Variants in MTMR7 observed in about 807,000 individuals in gnomAD.
MTMR7 encodes the protein myotubularin related protein 7, also known as phosphatidylinositol-3-phosphate phosphatase MTMR7.
MTMR7 carries 76 observed loss-of-function variants against 81.2 expected under a neutral mutation model. The ratio of observed to expected loss-of-function variants is 0.94; its 90% confidence interval spans 0.78 to 1.13. MTMR7 has a LOEUF of 1.13. Among genes scored for constraint, MTMR7 ranks in the 50% most tolerant of loss-of-function variants. The probability of loss-of-function intolerance (pLI) is 0.00; values close to 1 mark genes in which losing one functional copy is unlikely to be tolerated. For missense variants in MTMR7, 1,044 were observed against 820.0 expected (o/e 1.27, Z -3.34); for synonymous variants, 372 against 289.8 (o/e 1.28, Z -2.88).
intron 4 of MTMR7, among the ~76,000 whole-genome samples, chr8:17,354,565 T>C (rs1214196714): frequency 2.0e-5 from 3 of 152,114 alleles, no homozygotes; most frequent in Non-Finnish European, 2.9e-5. Context: ...CCAAAGAAAA[T>C]AGCAGAATTG....
In MTMR7 at chr8:17,305,857, C is replaced by G; in HGVS notation, c.1252G>C (p.Glu418Gln). The G allele has an allele frequency of 6.2e-7, 1 of 1,613,634 alleles. No individual in the cohort carries two copies. Among genetic ancestry groups the G allele is most frequent in the Non-Finnish European group, 8.5e-7 (1 of 1,179,664 alleles). Residue 418 changes from glutamate (E) to glutamine (Q), a missense_variant, in exon 11 of 14, where the codon GAG becomes CAG. Coordinates refer to ENST00000180173, the MANE Select transcript of MTMR7 (RefSeq NM_004686.5). ...TGAATCAAAAACCTCTCATTGAACT[C>G]AAAGGCACAGGGAAATTGTTCCATT... ...QLMEQFPCAF[E>Q]FNERFLIHIQ...
chr8:17,339,327 G>A (rs999186064), intron 6 of MTMR7, among the ~76,000 whole-genome samples: 2 of 152,002 alleles, frequency 1.3e-5, no homozygotes, highest in South Asian at 4.2e-4. Context: ...AATGGTGTTT[G>A]GTATACCCAC....
At chr8:17,374,910 G>A (rs1820529285) in intron 1 of MTMR7, among the ~76,000 whole-genome samples, 2 of 152,032 alleles carry the variant, frequency 1.3e-5, no homozygotes, top group African/African-American at 4.8e-5. Context: ...CCAACATGGT[G>A]AAACCCCGTC....
chr8:17,304,616 C>G (rs942510419), intron 11 of MTMR7, 97 bp from the exon 12 acceptor site: 118 of 1,324,866 alleles, frequency 8.9e-5, no homozygotes, highest in Non-Finnish European at 1.2e-4. Context: ...ATAATTGTTA[C>G]CTGAAAACCA....
chr8:17,379,225 G>A (rs1180106569), intron 1 of MTMR7, among the ~76,000 whole-genome samples: 1 of 152,188 alleles, frequency 6.6e-6, no homozygotes, highest in Admixed American at 6.5e-5. Context: ...CTGGAAGCAT[G>A]AGGATCATAA....
chr8:17,317,087 T>C (rs958739333), intron 7 of MTMR7, among the ~76,000 whole-genome samples: 1 of 152,242 alleles, frequency 6.6e-6, no homozygotes, highest in Non-Finnish European at 1.5e-5. Context: ...TTTTCTTCTC[T>C]GAATGTTGTT....
chr8:17,343,359 G>T (rs990282330), intron 5 of MTMR7, among the ~76,000 whole-genome samples: 2 of 152,134 alleles, frequency 1.3e-5, no homozygotes, highest in Non-Finnish European at 2.9e-5. Flanking sequence ...GAACCCGACA[G>T]GCAGAGTTTG....
At chr8:17,308,337 G>A (rs1187965112) in intron 10 of MTMR7, among the ~76,000 whole-genome samples, 1 of 152,048 alleles carries the variant, frequency 6.6e-6, no homozygotes, top group East Asian at 1.9e-4. Flanking sequence ...TGAAAATAAT[G>A]CCATGTTAAG....
rs1585129557 is a variant in MTMR7, at chr8:17,408,106, A to ATTCACC, written c.24+5162_24+5163insGGTGAA. Among the ~76,000 whole-genome samples the ATTCACC allele has an allele frequency of 1.6e-3, 205 of 131,472 alleles. 29 individuals carry two copies. Among genetic ancestry groups the ATTCACC allele is most frequent in the Admixed American group, 2.3e-3 (27 of 11,530 alleles). The allele number at this position is 131,472 out of a possible 152,430, so 86.3% of individuals were successfully genotyped here. ...CCATCAATCAGCAAGAACATCATGG[A>ATTCACC]GAGGCCGGGCGCGGTGGCTCACGCC... On this transcript the variant is annotated intron_variant, in intron 1 of 13. Transcript: ENST00000180173.
intron 3 of MTMR7, among the ~76,000 whole-genome samples, chr8:17,364,780 T>A (rs1271549510): frequency 6.6e-6 from 1 of 152,276 alleles, no homozygotes; most frequent in Non-Finnish European, 1.5e-5. Context: ...CATTCCATTA[T>A]TTGTATATAC....
At position 17,396,522 on chromosome 8, in the gene MTMR7, G is replaced by C. The variant is rs367801685; in HGVS notation, c.24+16747C>G. ...AAAGCAAAGATGTGTTGGGCTCAGG[G>C]AGTATGTGGACCAGCCTTAGCTAGA... On this transcript the variant is annotated intron_variant, in intron 1 of 13. Coordinates refer to ENST00000180173, the MANE Select transcript of MTMR7 (RefSeq NM_004686.5). Among the ~76,000 whole-genome samples the C allele has an allele frequency of 2.2e-4, 34 of 152,286 alleles. 1 individual carries two copies. The highest frequency in any genetic ancestry group is 7.7e-4 in the African/African-American group (32 of 41,574).
Position 17,300,059 on chromosome 8 carries a change from G to T in MTMR7, c.1786C>A (p.Gln596Lys), listed in dbSNP as rs747210051. ...MKSFPSRSPS[Q>K]GDEDSALILT... ...ATCAGAGCAGAATCTTCATCGCCTTGTGAAGGGCTCCGGGATGGAAATGAT... is the reference window on the plus strand; with the variant it reads ...ATCAGAGCAGAATCTTCATCGCCTTTTGAAGGGCTCCGGGATGGAAATGAT... The change falls in exon 14 of 14, where the codon CAA (glutamine) becomes AAA (lysine). Residue 596 changes from glutamine to lysine, a missense_variant. Gln to Lys is a moderately conservative substitution (Grantham distance 53, BLOSUM62 1). Transcript: ENST00000180173. The T allele has an allele frequency of 1.9e-6, 3 of 1,614,134 alleles. No individual in the cohort carries two copies. The highest frequency in any genetic ancestry group is 1.3e-5 in the African/African-American group (1 of 75,042).
At chr8:17,351,594 C>G (rs1819729900) in intron 4 of MTMR7, among the ~76,000 whole-genome samples, 1 of 152,220 alleles carries the variant, frequency 6.6e-6, no homozygotes, top group South Asian at 2.1e-4. Context: ...CAACCTGCGC[C>G]CAGTCACCAA....
intron 6 of MTMR7, among the ~76,000 whole-genome samples, chr8:17,331,677 A>G (rs1409599046): frequency 2.0e-5 from 3 of 152,242 alleles, no homozygotes; most frequent in Non-Finnish European, 4.4e-5. Context: ...AGCTGTCAAA[A>G]TAAGGCTCTA....
In MTMR7 at chr8:17,298,815, A is replaced by AAAAC. The variant is rs1816909762; in HGVS notation, c.*1043_*1046dup. 6.6e-6 allele frequency: 1 copy of AAAAC among 152,540 alleles called. No individual in the cohort carries two copies. Among genetic ancestry groups the AAAAC allele is most frequent in the African/African-American group, 2.4e-5 (1 of 41,468 alleles). 9.4% of individuals were successfully genotyped at this position (152,540 alleles called of 1,614,324 possible). A position where few individuals can be genotyped will look rare whatever the true frequency, so the allele number is the denominator to read the frequency against. On this transcript the variant is annotated 3_prime_UTR_variant, in exon 14 of 14. Coordinates refer to ENST00000180173, the MANE Select transcript of MTMR7 (RefSeq NM_004686.5). ...CTCTCCCTTAAATGTGCAGTGTAACAAAACAAAAATTCTTTTCAGAACTTT... is the reference window on the plus strand; with the variant it reads ...CTCTCCCTTAAATGTGCAGTGTAACAAAACAAACAAAAATTCTTTTCAGAACTTT...
chr8:17,346,755 C>G (rs955763317), intron 5 of MTMR7, among the ~76,000 whole-genome samples: 3 of 151,452 alleles, frequency 2.0e-5, no homozygotes, highest in Admixed American at 1.3e-4. Flanking sequence ...TCGTTTCTCC[C>G]TCTCCTGGAT....
chr8:17,373,880 A>T (rs1250232441), intron 1 of MTMR7, among the ~76,000 whole-genome samples: 2 of 152,246 alleles, frequency 1.3e-5, no homozygotes, highest in African/African-American at 4.8e-5. Flanking sequence ...TTTACAAAGC[A>T]TACCTCTCTC....
At chr8:17,380,572 TAA>T (rs71215249) in intron 1 of MTMR7, among the ~76,000 whole-genome samples, 331 of 146,086 alleles carry the variant, frequency 2.3e-3, no homozygotes, top group Middle Eastern at 3.5e-3. Context: ...CTGATGAGCT[TAA>T]AAAAAAAAAA....
chr8:17,382,770 T>C (rs1033819526), intron 1 of MTMR7, among the ~76,000 whole-genome samples: 1 of 152,200 alleles, frequency 6.6e-6, no homozygotes, highest in Non-Finnish European at 1.5e-5. Flanking sequence ...GTCCTTTTTT[T>C]CTCAATGTTC....
Sources: allele counts gnomAD v4.1 joint callset (sites outside exome capture counted in the v4.1 genomes callset), GRCh38; gene constraint gnomAD v4.1.1; transcripts MANE v1.5; gene names NCBI Gene and HGNC (gene_info 2026-07-23, HGNC 2026-07-21).